The following MAP2K5 variants were observed in gnomAD, a reference collection of about 807,000 sequenced individuals.
MAP2K5 encodes mitogen-activated protein kinase kinase 5, also known as dual specificity mitogen-activated protein kinase kinase 5.
MAP2K5 carries 49 observed loss-of-function variants against 83.1 expected under a neutral mutation model. That is an observed-to-expected ratio of 0.59 (90% confidence interval 0.47 to 0.75). MAP2K5 has a LOEUF of 0.75. Among genes scored for constraint, MAP2K5 ranks in the 30% least tolerant of loss-of-function variants. MAP2K5 has a pLI of 0.00. For synonymous variants in MAP2K5, 202 were observed against 191.8 expected (o/e 1.05, Z -0.44); for missense variants, 457 against 557.5 (o/e 0.82, Z 1.82).
chr15:67,806,863 C>G lies in MAP2K5; in HGVS notation c.*113C>G. ...AAGAGCTTTGCTGGGCCCTGGCTTC[C>G]CTGCCCTCGCCTTCACCTCTGTCAG... On this transcript the variant is annotated 3_prime_UTR_variant, in exon 22 of 22. Transcript: ENST00000178640. 6.3e-7 allele frequency: 1 copy of G among 1,595,516 alleles called. No individual in the cohort carries two copies. Among genetic ancestry groups the G allele is most frequent in the Non-Finnish European group, 8.5e-7 (1 of 1,178,444 alleles).
At chr15:67,753,135 A>G (rs970844337) in intron 19 of MAP2K5, among the ~76,000 whole-genome samples, 2 of 152,210 alleles carry the variant, frequency 1.3e-5, no homozygotes, top group Non-Finnish European at 2.9e-5. Flanking sequence ...ACCACTGGAT[A>G]TCCATATGTA....
Position 67,565,741 on chromosome 15 carries a change from T to C in MAP2K5, c.252+2391T>C, listed in dbSNP as rs574993345. 4.2e-4 allele frequency among the ~76,000 whole-genome samples: 64 copies of C among 152,322 alleles called. No homozygotes were observed. The highest frequency in any genetic ancestry group is 7.3e-4 in the Non-Finnish European group (50 of 68,028). On this transcript the variant is annotated intron_variant, in intron 3 of 21. Coordinates refer to ENST00000178640, the MANE Select transcript of MAP2K5 (RefSeq NM_145160.3). The surrounding 1 kb of genome is among the most constrained non-coding windows in gnomAD (Gnocchi z 4.1). ...TTACTTGGGTCCACTTTTTTTTATC[T>C]GAATAGAAGTCATCTATCTCATTGA... is the stretch of plus-strand genomic sequence containing the variant.
chr15:67,673,913 A>G (rs945137670), intron 13 of MAP2K5, among the ~76,000 whole-genome samples: 15 of 152,076 alleles, frequency 9.9e-5, no homozygotes, highest in African/African-American at 3.4e-4. Context: ...CAGTGGCACA[A>G]TCTCGGCTCA....
rs1305812328 is a variant in MAP2K5, at chr15:67,573,473, C to G, written c.253-7281C>G. Reference sequence around the variant, plus strand: ...GAGAATCCACTCACTATCATGAGAACAGCAAGGGGGAAATCCACCCCCATG... The same window carrying G: ...GAGAATCCACTCACTATCATGAGAAGAGCAAGGGGGAAATCCACCCCCATG... On this transcript the variant is annotated intron_variant, in intron 3 of 21. Transcript: ENST00000178640. The surrounding 1 kb of genome is among the most constrained non-coding windows in gnomAD (Gnocchi z 4.2). Among the ~76,000 whole-genome samples, 1 of 152,056 alleles carries G rather than the reference C, an allele frequency of 6.6e-6. No individual in the cohort carries two copies. The highest frequency in any genetic ancestry group is 1.5e-5 in the Non-Finnish European group (1 of 67,992).
chr15:67,802,639 C>G lies in MAP2K5; in HGVS notation c.1243-4007C>G, dbSNP rs1281973137. On this transcript the variant is annotated intron_variant, in intron 21 of 21. Transcript: ENST00000178640. The surrounding 1 kb of genome is among the most constrained non-coding windows in gnomAD (Gnocchi z 5.0). ...TCCAGCCTGGCACTGCCAGGTTCCA[C>G]AGACATGGCTGTGCAGAAATGGTGC... Among the ~76,000 whole-genome samples, 1 of 152,240 alleles carries G rather than the reference C, an allele frequency of 6.6e-6. No individual in the cohort carries two copies. Among genetic ancestry groups the G allele is most frequent in the Non-Finnish European group, 1.5e-5 (1 of 68,044 alleles).
chr15:67,689,772 G>A (rs557537833), intron 13 of MAP2K5, among the ~76,000 whole-genome samples: 3 of 152,312 alleles, frequency 2.0e-5, no homozygotes, highest in East Asian at 1.9e-4. Context: ...TAAGTCAGAT[G>A]TATCTGATTG....
At chr15:67,691,118 A>G (rs376010321) in intron 13 of MAP2K5, among the ~76,000 whole-genome samples, 69 of 152,264 alleles carry the variant, frequency 4.5e-4, no homozygotes, top group African/African-American at 1.6e-3. Flanking sequence ...AGAATCATCA[A>G]CCACAATGTG....
Position 67,577,061 on chromosome 15 carries a change from G to A in MAP2K5, c.253-3693G>A, listed in dbSNP as rs1000021981. ...CGCCATTCTCCTGCCTCAGCCTCCC[G>A]AGTAGCTGGGACTACAGGCGCCCGC... On this transcript the variant is annotated intron_variant, in intron 3 of 21. Transcript: ENST00000178640. This position sits in a 1 kb window ranked among gnomAD's most constrained non-coding sequence, Gnocchi z 4.1. 6.9e-6 allele frequency among the ~76,000 whole-genome samples: 1 copy of A among 145,906 alleles called. No individual in the cohort carries two copies. Among genetic ancestry groups the A allele is most frequent in the African/African-American group, 2.5e-5 (1 of 40,170 alleles).
At chr15:67,740,412 T>G (rs971935926) in intron 17 of MAP2K5, among the ~76,000 whole-genome samples, 2 of 152,156 alleles carry the variant, frequency 1.3e-5, no homozygotes, top group South Asian at 2.1e-4. Context: ...CATGAATACC[T>G]GAGCATAACA....
In MAP2K5 at chr15:67,781,215, C is replaced by T. The variant is rs372487682; in HGVS notation, c.1242+8463C>T. On this transcript the variant is annotated intron_variant, in intron 21 of 21. Coordinates refer to ENST00000178640, the MANE Select transcript of MAP2K5 (RefSeq NM_145160.3). The surrounding 1 kb of genome is among the most constrained non-coding windows in gnomAD (Gnocchi z 4.0). ...TGTTGAAGGTAGCAAAGTTGTTTTC[C>T]TGTGAGTACACACCGATAAATAGAT... is the stretch of plus-strand genomic sequence containing the variant. Among the ~76,000 whole-genome samples, 24 of 152,288 alleles carry T rather than the reference C, an allele frequency of 1.6e-4. No individual in the cohort carries two copies. The highest frequency in any genetic ancestry group is 5.8e-4 in the African/African-American group (24 of 41,568).
chr15:67,628,233 AC>A, intron 8 of MAP2K5: 1 of 655,718 alleles, frequency 1.5e-6, no homozygotes, highest in Non-Finnish European at 2.7e-6. Flanking sequence ...TGTAATCCCA[AC>A]ACTTTGGGAG....
chr15:67,568,420 G>C (rs1476055357), intron 3 of MAP2K5, among the ~76,000 whole-genome samples: 1 of 152,162 alleles, frequency 6.6e-6, no homozygotes, highest in African/African-American at 2.4e-5. Context: ...CTCAAGTAGA[G>C]TTGGAAGGTA....
intron 17 of MAP2K5, among the ~76,000 whole-genome samples, chr15:67,730,486 T>G (rs2089196333): frequency 6.6e-6 from 1 of 152,204 alleles, no homozygotes; most frequent in Admixed American, 6.5e-5. Flanking sequence ...GAAGGGATCT[T>G]AGACATCATC....
At position 67,586,819 on chromosome 15, in the gene MAP2K5, T is replaced by C. The variant is rs1287939687; in HGVS notation, c.364-27T>C. 1.9e-6 allele frequency: 3 copies of C among 1,605,164 alleles called. No individual in the cohort carries two copies. The African/African-American group carries it at 4.0e-5, about 21-fold the overall frequency. On this transcript the variant is annotated intron_variant, in intron 5 of 21. Transcript: ENST00000178640. The stretch of plus-strand genomic sequence containing the variant: ...GAACTGTGTCCTCAGAACACAAGAC[T>C]GATCAAGATTCTTTCTTTACTTATA...
intron 19 of MAP2K5, among the ~76,000 whole-genome samples, chr15:67,762,416 G>T (rs975446418): frequency 6.6e-6 from 1 of 152,076 alleles, no homozygotes. Flanking sequence ...ATTGGCTTTG[G>T]AAAGGAAGCA....
At chr15:67,566,588 T>C (rs1419988128) in intron 3 of MAP2K5, among the ~76,000 whole-genome samples, 1 of 152,224 alleles carries the variant, frequency 6.6e-6, no homozygotes, top group African/African-American at 2.4e-5. Flanking sequence ...ATTAGTCCTT[T>C]AATCATTCTT....
At chr15:67,622,901 A>T (rs1485011252) in intron 8 of MAP2K5, among the ~76,000 whole-genome samples, 1 of 152,206 alleles carries the variant, frequency 6.6e-6, no homozygotes, top group Non-Finnish European at 1.5e-5. Context: ...GATTGAGACC[A>T]TCCTGGCTAA....
At chr15:67,776,880 T>A (rs931459911) in intron 21 of MAP2K5, among the ~76,000 whole-genome samples, 3 of 152,122 alleles carry the variant, frequency 2.0e-5, no homozygotes, top group African/African-American at 7.2e-5. Context: ...CCCTCTCCAC[T>A]TCAGTGTCTT....
chr15:67,756,361 G>T (rs1350910619), intron 19 of MAP2K5, among the ~76,000 whole-genome samples: 4 of 152,172 alleles, frequency 2.6e-5, no homozygotes, highest in African/African-American at 9.7e-5. Flanking sequence ...GTGCCTTGTA[G>T]AATGTGAAAG....
Sources: gnomAD v4.1 joint callset for allele counts (sites outside exome capture counted in the v4.1 genomes callset) on GRCh38, gnomAD v4.1.1 for gene constraint, Gnocchi (gnomAD v3.1) non-coding constraint, MANE v1.5 for transcripts, NCBI Gene and HGNC (gene_info 2026-07-23, HGNC 2026-07-21) for gene names.